PTPRD: variants seen among roughly 807,000 people sequenced by gnomAD.
The protein encoded by PTPRD is receptor-type tyrosine-protein phosphatase delta.
A neutral mutation model predicts 214.5 loss-of-function variants in PTPRD; 34 were observed. The observed-to-expected ratio is 0.16, with a 90% confidence interval of 0.12 to 0.21. The LOEUF (loss-of-function observed/expected upper bound fraction) is 0.21, where lower values mean the gene tolerates loss of function less well. PTPRD is among the 10% of genes least tolerant of loss of function. The pLI, the probability that PTPRD is intolerant of heterozygous loss-of-function variation, is 1.00. For missense variants in PTPRD, 2,545 were observed against 2,398.7 expected (o/e 1.06, Z -1.27); for synonymous variants, 1,128 against 845.7 (o/e 1.33, Z -5.79).
intron 11 of PTPRD, among the ~76,000 whole-genome samples, chr9:8,865,896 CGTA>C (rs2154546636): frequency 6.6e-6 from 1 of 152,220 alleles, no homozygotes; most frequent in South Asian, 2.1e-4. Context: ...TGGATGGATT[CGTA>C]GTTCCACGGA....
intron 11 of PTPRD, chr9:8,862,020 T>G (rs537953842): frequency 1.3e-5 from 2 of 152,310 alleles, no homozygotes; most frequent in South Asian, 4.1e-4. Context: ...TTATACAGCA[T>G]TTCTCAGTAG....
rs192593227 is a variant in PTPRD at position 9,497,501 on chromosome 9, C to T, written c.-237+77231G>A. On this transcript the variant is annotated intron_variant, in intron 8 of 45. Coordinates refer to ENST00000381196, the MANE Select transcript of PTPRD (RefSeq NM_002839.4). ...CCCTCCAACATGCACAATATTGACA[C>T]GCATTCACTCAAACTAAGTTTATAA... is the stretch of plus-strand genomic sequence containing the variant. Among the ~76,000 whole-genome samples, 7 of 152,180 alleles carry T rather than the reference C, an allele frequency of 4.6e-5. No homozygotes were observed. The East Asian group carries it at 7.7e-4, about 17-fold the overall frequency.
chr9:10,524,175 G>C (rs1451656797), intron 2 of PTPRD, among the ~76,000 whole-genome samples: 1 of 151,974 alleles, frequency 6.6e-6, no homozygotes, highest in Non-Finnish European at 1.5e-5. Context: ...AGTTACATAA[G>C]GGAATCAACA....
intron 2 of PTPRD, among the ~76,000 whole-genome samples, chr9:10,577,307 A>G (rs1403997624): frequency 6.6e-6 from 1 of 152,208 alleles, no homozygotes; most frequent in Non-Finnish European, 1.5e-5. Flanking sequence ...ATTTATAATT[A>G]CCAACTAATT....
chr9:9,924,036 T>C (rs1251361716), intron 5 of PTPRD, among the ~76,000 whole-genome samples: 1 of 152,020 alleles, frequency 6.6e-6, no homozygotes, highest in Non-Finnish European at 1.5e-5. Context: ...CTAACAACTT[T>C]ATAAACTTCA....
At chr9:8,709,153 G>C (rs2098272722) in intron 12 of PTPRD, among the ~76,000 whole-genome samples, 2 of 152,070 alleles carry the variant, frequency 1.3e-5, no homozygotes, top group Admixed American at 1.3e-4. Context: ...TTACTTAAGA[G>C]GAATAAGTTC....
intron 11 of PTPRD, among the ~76,000 whole-genome samples, chr9:8,875,254 G>T (rs964296273): frequency 2.0e-5 from 3 of 152,136 alleles, no homozygotes; most frequent in African/African-American, 7.2e-5. Context: ...GGACAGGCGT[G>T]GTAGCCCATG....
At chr9:9,840,705 T>G (rs887168351) in intron 5 of PTPRD, among the ~76,000 whole-genome samples, 9 of 125,892 alleles carry the variant, frequency 7.1e-5, no homozygotes, top group African/African-American at 2.8e-4. Flanking sequence ...AGAGCTTGCA[T>G]TGAGCCAAGA....
Position 10,464,921 on chromosome 9 carries a change from A to G in PTPRD, c.-599-123904T>C, listed in dbSNP as rs1310202957. On this transcript the variant is annotated intron_variant, in intron 2 of 45. Coordinates refer to ENST00000381196, the MANE Select transcript of PTPRD (RefSeq NM_002839.4). ...GAAATAGTCATATAGCCTAAAACTA[A>G]CATTACAATCAATGACAAAATGATG... Among the ~76,000 whole-genome samples, 3 of 152,206 alleles carry G rather than the reference A, an allele frequency of 2.0e-5. No individual in the cohort carries two copies. The East Asian group carries it at 5.8e-4, about 29-fold the overall frequency.
intron 2 of PTPRD, among the ~76,000 whole-genome samples, chr9:10,509,188 C>G (rs1298968425): frequency 2.6e-5 from 4 of 151,914 alleles, no homozygotes; most frequent in Admixed American, 1.3e-4. Context: ...AGGAATTTGC[C>G]TGCAACTCCA....
chr9:9,881,259 T>C (rs1451890446), intron 5 of PTPRD, among the ~76,000 whole-genome samples: 1 of 152,192 alleles, frequency 6.6e-6, no homozygotes, highest in African/African-American at 2.4e-5. Context: ...CAATCATCTT[T>C]TGGATACATA....
In PTPRD at chr9:10,285,605, C is replaced by CTTTTTTT. The variant is rs34225956; in HGVS notation, c.-545+55351_-545+55357dup. Among the ~76,000 whole-genome samples the CTTTTTTT allele has an allele frequency of 4.9e-4, 51 of 104,058 alleles. 2 individuals carry two copies. The highest frequency in any genetic ancestry group is 1.6e-3 in the African/African-American group (41 of 26,312). The allele number at this position is 104,058 out of a possible 152,430, so 68.3% of individuals were successfully genotyped here. On this transcript the variant is annotated intron_variant, in intron 3 of 45. Transcript: ENST00000381196. ...GTTTCATATTATTTTGGGGTCTCAT[C>CTTTTTTT]TTTTTTTTTTTTTTTTTTTTTTTGA...
chr9:9,481,085 T>G lies in PTPRD; in HGVS notation c.-236-83603A>C, dbSNP rs554775175. ...ATTAGAATGTGCACTCAGTATACAC[T>G]TCCATGATGATGATGATGGTGATAA... On this transcript the variant is annotated intron_variant, in intron 8 of 45. Transcript: ENST00000381196. Among the ~76,000 whole-genome samples, 20 of 152,210 alleles carry G rather than the reference T, an allele frequency of 1.3e-4. 2 individuals carry two copies. In the South Asian group the frequency reaches 4.1e-3, roughly 32 times the overall value.
intron 2 of PTPRD, among the ~76,000 whole-genome samples, chr9:10,410,577 C>G (rs536993263): frequency 4.6e-5 from 7 of 151,576 alleles, no homozygotes; most frequent in African/African-American, 1.7e-4. Flanking sequence ...AAGACCATTT[C>G]TTATGTATTC....
chr9:8,435,785 A>C (rs2095322913), intron 35 of PTPRD, among the ~76,000 whole-genome samples: 1 of 152,190 alleles, frequency 6.6e-6, no homozygotes, highest in African/African-American at 2.4e-5. Flanking sequence ...GAATTCACAA[A>C]GAATCTTTAA....
intron 12 of PTPRD, among the ~76,000 whole-genome samples, chr9:8,728,807 C>T (rs1243409603): frequency 6.6e-6 from 1 of 151,878 alleles, no homozygotes; most frequent in Admixed American, 6.6e-5. Context: ...TGGTGAAACC[C>T]CGTATTTATT....
intron 3 of PTPRD, among the ~76,000 whole-genome samples, chr9:10,045,808 G>A (rs1452654996): frequency 6.6e-6 from 1 of 151,574 alleles, no homozygotes; most frequent in African/African-American, 2.4e-5. Flanking sequence ...CTGTGCTGTT[G>A]TATCAGAAAC....
chr9:8,840,248 C>T (rs1020907131), intron 11 of PTPRD, among the ~76,000 whole-genome samples: 1 of 152,136 alleles, frequency 6.6e-6, no homozygotes, highest in Non-Finnish European at 1.5e-5. Flanking sequence ...GTAGGAGATA[C>T]CTGGTGGGAG....
At chr9:9,255,839 G>A (rs575776756) in intron 9 of PTPRD, among the ~76,000 whole-genome samples, 8 of 151,938 alleles carry the variant, frequency 5.3e-5, no homozygotes, top group South Asian at 2.1e-4. Context: ...AGAATAATTC[G>A]TACCTAGAAC....
Sources: allele counts gnomAD v4.1 joint callset (sites outside exome capture counted in the v4.1 genomes callset), GRCh38; gene constraint gnomAD v4.1.1; transcripts MANE v1.5; gene names NCBI Gene and HGNC (gene_info 2026-07-23, HGNC 2026-07-21).